Variants in ANKRD30B observed in about 807,000 individuals in gnomAD.
ANKRD30B encodes the protein ankyrin repeat domain-containing protein 30B.
Under a neutral mutation model 202.2 loss-of-function variants are expected in ANKRD30B, and 144 were observed. The ratio of observed to expected loss-of-function variants is 0.71; its 90% CI spans 0.62 to 0.82. The LOEUF is 0.82. Among genes scored for constraint, ANKRD30B ranks in the 40% least tolerant of loss-of-function variants. The pLI is 0.00. For missense variants in ANKRD30B, 1,487 were observed against 1,669.1 expected (o/e 0.89, Z 1.90); for synonymous variants, 508 against 561.3 (o/e 0.91, Z 1.34).
At chr18:14,820,272 T>G (rs1748920657) in intron 30 of ANKRD30B, among the ~76,000 whole-genome samples, 1 of 152,180 alleles carries the variant, frequency 6.6e-6, no homozygotes, top group South Asian at 2.1e-4. Context: ...GTTGAGACAA[T>G]GGGGTTTTCT....
At chr18:14,806,965 C>A (rs773500053) in intron 24 of ANKRD30B, among the ~76,000 whole-genome samples, 1 of 150,970 alleles carries the variant, frequency 6.6e-6, no homozygotes, top group Middle Eastern at 3.4e-3. Context: ...ACCTTCTCAT[C>A]GTAATTAAAG....
chr18:14,904,796 C>T, the ANKRD30B span, among the ~76,000 whole-genome samples: 1 of 152,174 alleles, frequency 6.6e-6, no homozygotes, highest in Non-Finnish European at 1.5e-5. Context: ...ACAAAAGTTA[C>T]AGGCAAAGAC....
At chr18:14,783,924 C>T (rs1327436613) in intron 12 of ANKRD30B, among the ~76,000 whole-genome samples, 6 of 152,070 alleles carry the variant, frequency 3.9e-5, no homozygotes, top group Non-Finnish European at 8.8e-5. Context: ...GTCAATTCTA[C>T]ATTCAGCTGA....
the ANKRD30B span, among the ~76,000 whole-genome samples, chr18:14,932,325 CTCTA>C: frequency 6.6e-6 from 1 of 151,608 alleles, no homozygotes; most frequent in African/African-American, 2.4e-5. Flanking sequence ...TCTCCCCTAT[CTCTA>C]TCTTTTTGTT....
At chr18:14,886,191 A>G in the ANKRD30B span, among the ~76,000 whole-genome samples, 1 of 151,968 alleles carries the variant, frequency 6.6e-6, no homozygotes, top group Admixed American at 6.6e-5. Flanking sequence ...CCATTAGCTA[A>G]TAATACTAAT....
At chr18:14,805,220 C>T (rs1395144405) in intron 24 of ANKRD30B, among the ~76,000 whole-genome samples, 1 of 150,824 alleles carries the variant, frequency 6.6e-6, no homozygotes, top group Non-Finnish European at 1.5e-5. Context: ...ATATACCAAA[C>T]CAGACTAATT....
intron 5 of ANKRD30B, chr18:14,759,407 T>G (rs1386143603): frequency 6.6e-6 from 1 of 152,216 alleles, no homozygotes; most frequent in Admixed American, 6.6e-5. Context: ...AAAATATTTA[T>G]GTAAGGTGAT....
chr18:14,876,281 C>T, the ANKRD30B span, among the ~76,000 whole-genome samples: 1 of 152,160 alleles, frequency 6.6e-6, no homozygotes, highest in African/African-American at 2.4e-5. Context: ...GTTTCCTCTT[C>T]TCTCCTGCAA....
chr18:14,882,742 C>T, the ANKRD30B span, among the ~76,000 whole-genome samples: 1 of 151,832 alleles, frequency 6.6e-6, no homozygotes, highest in Non-Finnish European at 1.5e-5. Context: ...CTGTCTATCT[C>T]ATTTCTTATG....
intron 16 of ANKRD30B, 138 bp downstream of exon 16, chr18:14,791,629 A>G: frequency 1.5e-6 from 1 of 663,414 alleles, no homozygotes; most frequent in Non-Finnish European, 2.5e-6. Flanking sequence ...AACGGTGATA[A>G]GTTATACGTC....
chr18:14,893,613 C>CAAA, the ANKRD30B span, among the ~76,000 whole-genome samples: 51 of 126,344 alleles, frequency 4.0e-4, no homozygotes, highest in Middle Eastern at 4.3e-3. Context: ...CTCCATCTCA[C>CAAA]AAAAAAAAAA....
intron 18 of ANKRD30B, among the ~76,000 whole-genome samples, chr18:14,797,352 G>A (rs1421940258): frequency 1.3e-5 from 2 of 152,144 alleles, no homozygotes; most frequent in African/African-American, 2.4e-5. Context: ...TCTGCAGGGG[G>A]AAGCACATCA....
the ANKRD30B span, among the ~76,000 whole-genome samples, chr18:14,939,908 C>A: frequency 6.6e-6 from 1 of 152,212 alleles, no homozygotes. Flanking sequence ...AGTGTTAATT[C>A]TAATGGCCCA....
intron 16 of ANKRD30B, among the ~76,000 whole-genome samples, chr18:14,793,832 T>C (rs2143946283): frequency 6.6e-6 from 1 of 150,810 alleles, no homozygotes; most frequent in African/African-American, 2.4e-5. Context: ...AGGTGGAGCT[T>C]GTATTCTGCC....
chr18:14,844,749 T>C (rs1971562873), intron 39 of ANKRD30B, among the ~76,000 whole-genome samples: 1 of 152,138 alleles, frequency 6.6e-6, no homozygotes, highest in African/African-American at 2.4e-5. Flanking sequence ...GCACCTGTTG[T>C]TTCCTGACTT....
rs759094521 is a variant in ANKRD30B, at chr18:14,831,342, TA to T, written c.2775-40del. On this transcript the variant is annotated intron_variant, in intron 33 of 43. Coordinates refer to ENST00000690538, the MANE Select transcript of ANKRD30B (RefSeq NM_001367607.2). ...TGAACTGGCAGGTTTTCTTTTTAAA[TA>T]TATGAATTTGCTCATTTTTGTTTTA... 3.5e-5 allele frequency: 45 copies of T among 1,303,492 alleles called. No homozygotes were observed. In the Admixed American group the frequency reaches 8.0e-4, roughly 23 times the overall value. 80.7% of individuals were successfully genotyped at this position (1,303,492 alleles called of 1,614,324 possible). A position where few individuals can be genotyped will look rare whatever the true frequency, so the allele number is the denominator to read the frequency against.
chr18:14,880,366 T>G, the ANKRD30B span, among the ~76,000 whole-genome samples: 2 of 151,458 alleles, frequency 1.3e-5, no homozygotes, highest in East Asian at 1.9e-4. Context: ...CTACATGGCT[T>G]TCTTTTGGTT....
chr18:14,915,225 G>T, the ANKRD30B span, among the ~76,000 whole-genome samples: 1 of 152,154 alleles, frequency 6.6e-6, no homozygotes, highest in African/African-American at 2.4e-5. Flanking sequence ...CAGACAGGGG[G>T]CCTGATGTGA....
intron 4 of ANKRD30B, among the ~76,000 whole-genome samples, chr18:14,756,597 A>T (rs1220079733): frequency 2.0e-5 from 3 of 152,144 alleles, no homozygotes; most frequent in Admixed American, 6.5e-5. Context: ...TACACTTTTT[A>T]AAAAATGCAA....
Sources: allele counts gnomAD v4.1 joint callset (sites outside exome capture counted in the v4.1 genomes callset), GRCh38; gene constraint gnomAD v4.1.1; transcripts MANE v1.5; gene names NCBI Gene and HGNC (gene_info 2026-07-23, HGNC 2026-07-21).